The following THSD7B variants were observed in gnomAD, a reference collection of about 807,000 sequenced individuals.
THSD7B encodes thrombospondin type 1 domain containing 7B.
In THSD7B, 138 loss-of-function variants were observed where a neutral mutation model predicts 213.6. The ratio of observed to expected loss-of-function variants is 0.65; its 90% CI spans 0.56 to 0.74. The LOEUF is 0.74. Among genes scored for constraint, THSD7B ranks in the 30% least tolerant of loss-of-function variants. THSD7B has a pLI of 0.00. For missense variants in THSD7B, 1,931 were observed against 1,991.5 expected (o/e 0.97, Z 0.58); for synonymous variants, 742 against 687.0 (o/e 1.08, Z -1.25).
At chr2:137,109,106 A>G (rs1688303189) in intron 4 of THSD7B, among the ~76,000 whole-genome samples, 1 of 152,156 alleles carries the variant, frequency 6.6e-6, no homozygotes, top group Non-Finnish European at 1.5e-5. Flanking sequence ...ATTCACTATG[A>G]CTGCTGCAGT....
At chr2:137,048,001 C>T (rs558301542) in intron 2 of THSD7B, among the ~76,000 whole-genome samples, 82 of 152,022 alleles carry the variant, frequency 5.4e-4, no homozygotes, top group South Asian at 2.3e-3. Context: ...GGTGGTTTGC[C>T]GCACCCATCA....
intron 7 of THSD7B, among the ~76,000 whole-genome samples, chr2:137,219,682 T>G (rs1681323537): frequency 6.6e-6 from 1 of 152,290 alleles, no homozygotes; most frequent in Admixed American, 6.5e-5. Context: ...AAAGATTGCT[T>G]ATGCATTAAG....
At chr2:136,923,970 T>G (rs1483440668) in intron 2 of THSD7B, among the ~76,000 whole-genome samples, 1 of 152,226 alleles carries the variant, frequency 6.6e-6, no homozygotes, top group Non-Finnish European at 1.5e-5. Flanking sequence ...TAATCTCATT[T>G]GTCTTTTCTT....
intron 21 of THSD7B, among the ~76,000 whole-genome samples, chr2:137,651,977 G>A (rs1386644507): frequency 6.6e-6 from 1 of 151,952 alleles, no homozygotes; most frequent in Admixed American, 6.6e-5. Flanking sequence ...CGAAGATATG[G>A]TTTATTCTGA....
chr2:137,026,987 G>T (rs532511904), intron 2 of THSD7B, among the ~76,000 whole-genome samples: 58 of 152,276 alleles, frequency 3.8e-4, no homozygotes, highest in African/African-American at 1.2e-3. Context: ...TATGGGTTCA[G>T]TTTGGTGTTT....
chr2:137,565,032 A>C (rs1437667964), intron 16 of THSD7B, among the ~76,000 whole-genome samples: 1 of 152,134 alleles, frequency 6.6e-6, no homozygotes, highest in African/African-American at 2.4e-5. Flanking sequence ...TAAGAAGAGA[A>C]GACTAGGACA....
intron 3 of THSD7B, among the ~76,000 whole-genome samples, chr2:137,078,499 T>C (rs1437290227): frequency 1.3e-5 from 2 of 152,208 alleles, no homozygotes; most frequent in African/African-American, 2.4e-5. Flanking sequence ...TGTGTTTCTC[T>C]CCTCAGCTAT....
At chr2:137,534,181 A>G (rs574048641) in intron 15 of THSD7B, among the ~76,000 whole-genome samples, 14 of 151,786 alleles carry the variant, frequency 9.2e-5, no homozygotes, top group African/African-American at 3.4e-4. Context: ...TAGTTTTAGT[A>G]CCATAAAATA....
intron 15 of THSD7B, among the ~76,000 whole-genome samples, chr2:137,518,655 T>C (rs1680120034): frequency 6.6e-6 from 1 of 152,166 alleles, no homozygotes; most frequent in Non-Finnish European, 1.5e-5. Flanking sequence ...ACCTGTTCTG[T>C]GGACACCACT....
At chr2:136,875,599 G>T (rs1002099876) in intron 1 of THSD7B, among the ~76,000 whole-genome samples, 1 of 152,062 alleles carries the variant, frequency 6.6e-6, no homozygotes, top group African/African-American at 2.4e-5. Flanking sequence ...TTGGCACTAG[G>T]CCTTGTTAGT....
intron 2 of THSD7B, among the ~76,000 whole-genome samples, chr2:136,956,408 A>T (rs1490772762): frequency 6.6e-6 from 1 of 152,188 alleles, no homozygotes; most frequent in Non-Finnish European, 1.5e-5. Context: ...AAGTTTTTCC[A>T]TAGGTCTGAC....
intron 2 of THSD7B, among the ~76,000 whole-genome samples, chr2:136,903,160 T>C (rs1573700574): frequency 1.8e-5 from 1 of 54,634 alleles, no homozygotes; most frequent in Non-Finnish European, 7.2e-5. Flanking sequence ...CAAAAAGGTG[T>C]TTTTTTTAAA....
intron 20 of THSD7B, among the ~76,000 whole-genome samples, chr2:137,626,473 A>C (rs1242907072): frequency 6.8e-6 from 1 of 146,328 alleles, no homozygotes; most frequent in Non-Finnish European, 1.5e-5. Flanking sequence ...CAAAAAAAAA[A>C]AAAAAAAGAA....
chr2:137,673,629 A>ACAAGC (rs907894082), intron 27 of THSD7B, among the ~76,000 whole-genome samples: 1 of 152,316 alleles, frequency 6.6e-6, no homozygotes, highest in Non-Finnish European at 1.5e-5. Context: ...GGTTCTAAAG[A>ACAAGC]CAAGCCTCCT....
intron 15 of THSD7B, among the ~76,000 whole-genome samples, chr2:137,550,010 A>T (rs1198288247): frequency 1.3e-5 from 2 of 152,056 alleles, no homozygotes; most frequent in African/African-American, 4.8e-5. Context: ...CACGCCGTGA[A>T]CAATCTCCAA....
intron 16 of THSD7B, among the ~76,000 whole-genome samples, chr2:137,568,910 C>G (rs1465178135): frequency 6.6e-6 from 1 of 152,098 alleles, no homozygotes; most frequent in Non-Finnish European, 1.5e-5. Flanking sequence ...TGGTGGCCCC[C>G]AAAGATGTCC....
At chr2:137,415,976 G>A (rs1328045955) in intron 14 of THSD7B, among the ~76,000 whole-genome samples, 1 of 152,108 alleles carries the variant, frequency 6.6e-6, no homozygotes, top group Non-Finnish European at 1.5e-5. Flanking sequence ...TTCCAGGAGA[G>A]TGGAAACTTA....
At chr2:137,016,888 C>A (rs1158314853) in intron 2 of THSD7B, among the ~76,000 whole-genome samples, 1 of 152,142 alleles carries the variant, frequency 6.6e-6, no homozygotes, top group Admixed American at 6.5e-5. Context: ...TGCAAGTTTA[C>A]AATTCTTTAC....
At chr2:137,119,797 A>C (rs564656732) in intron 5 of THSD7B, among the ~76,000 whole-genome samples, 2 of 152,276 alleles carry the variant, frequency 1.3e-5, no homozygotes, top group African/African-American at 4.8e-5. Flanking sequence ...GAAAATTATG[A>C]GTTATCATAT....
Sources: allele counts gnomAD v4.1 joint callset (sites outside exome capture counted in the v4.1 genomes callset), GRCh38; gene constraint gnomAD v4.1.1; transcripts MANE v1.5; gene names NCBI Gene and HGNC (gene_info 2026-07-23, HGNC 2026-07-21).